Variants in APLF observed in about 807,000 individuals in gnomAD.
APLF encodes aprataxin and PNK-like factor.
Under a neutral mutation model 55.6 loss-of-function variants are expected in APLF, and 61 were observed. That is an observed-to-expected ratio of 1.10 (90% confidence interval 0.89 to 1.36). The LOEUF (loss-of-function observed/expected upper bound fraction) is 1.36, where lower values mean the gene tolerates loss of function less well. Among genes scored for constraint, APLF ranks in the 40% most tolerant of loss-of-function variants. APLF has a pLI of 0.00. For synonymous variants in APLF, 207 were observed against 214.8 expected (o/e 0.96, Z 0.32); for missense variants, 611 against 602.5 (o/e 1.01, Z -0.15).
chr2:68,488,169 T>G (rs1367014436), intron 1 of APLF, among the ~76,000 whole-genome samples: 1 of 152,110 alleles, frequency 6.6e-6, no homozygotes, highest in Non-Finnish European at 1.5e-5. Context: ...CTTATTACTC[T>G]GTTGGTTAGA....
Position 68,467,780 on chromosome 2 carries a change from GC to G in APLF, c.52del (p.Leu18TrpfsTer7), listed in dbSNP as rs768568802. 15 of 1,234,260 alleles carry G rather than the reference GC, an allele frequency of 1.2e-5. No homozygotes were observed. The Middle Eastern group carries it at 6.8e-4, about 56-fold the overall frequency. The allele number at this position is 1,234,260 out of a possible 1,614,324, so 76.5% of individuals were successfully genotyped here. Reference protein sequence around the residue: ...LQPRDGGPRVALAPGETVIGR... With the variant: ...LQPRDGGPRVXLAPGETVIGR... Reference sequence around the variant, plus strand: ...GCCGCGGGACGGCGGTCCCCGGGTGGCCCTGGCGCCCGGGGAGACGGTGATC... The same window carrying G: ...GCCGCGGGACGGCGGTCCCCGGGTGGCCTGGCGCCCGGGGAGACGGTGATC... On this transcript the variant is annotated frameshift_variant, in exon 1 of 10. Transcript: ENST00000303795. LOFTEE classifies it high-confidence loss of function.
chr2:68,488,905 T>A (rs1676270456), intron 1 of APLF, among the ~76,000 whole-genome samples: 1 of 152,062 alleles, frequency 6.6e-6, no homozygotes, highest in East Asian at 1.9e-4. Context: ...CACACCAGCA[T>A]GGCACATGTA....
chr2:68,569,205 C>T (rs546474148), intron 9 of APLF, among the ~76,000 whole-genome samples: 1 of 152,108 alleles, frequency 6.6e-6, no homozygotes, highest in East Asian at 1.9e-4. Context: ...AGAGCCGGCT[C>T]GTAATTGTGG....
intron 8 of APLF, among the ~76,000 whole-genome samples, chr2:68,560,245 A>G (rs1466572330): frequency 2.0e-5 from 3 of 152,142 alleles, no homozygotes; most frequent in Non-Finnish European, 2.9e-5. Flanking sequence ...ACCCCATGAA[A>G]GCAGAAACTC....
chr2:68,496,084 G>A (rs1479674584), intron 2 of APLF, among the ~76,000 whole-genome samples: 1 of 152,044 alleles, frequency 6.6e-6, no homozygotes, highest in East Asian at 1.9e-4. Flanking sequence ...TTGGATATTA[G>A]AACTTGTTTT....
intron 8 of APLF, among the ~76,000 whole-genome samples, chr2:68,552,036 A>G (rs2104030983): frequency 6.6e-6 from 1 of 152,190 alleles, no homozygotes; most frequent in African/African-American, 2.4e-5. Context: ...CTTTTATGTG[A>G]GAGGCAAGTC....
intron 1 of APLF, among the ~76,000 whole-genome samples, chr2:68,486,065 G>A (rs567923747): frequency 6.6e-6 from 1 of 152,052 alleles, no homozygotes; most frequent in East Asian, 1.9e-4. Context: ...TCACTATTTT[G>A]ATGCTCGAAT....
chr2:68,529,151 G>A lies in APLF; in HGVS notation c.804+2909G>A. 7.6e-7 allele frequency: 1 copy of A among 1,307,786 alleles called. No individual in the cohort carries two copies. The allele number at this position is 1,307,786 out of a possible 1,614,324, so 81.0% of individuals were successfully genotyped here. ...CCTGGAGTTGCGAGCAGACAGCACG[G>A]GTTTCTTCCTTGAGGGGGGGCTCCA... On this transcript the variant is annotated intron_variant, in intron 6 of 9. Coordinates refer to ENST00000303795, the MANE Select transcript of APLF (RefSeq NM_173545.3). This position sits in a 1 kb window ranked among gnomAD's most constrained non-coding sequence, Gnocchi z 4.4.
At chr2:68,519,031 G>GATTAATATATAATAATATAATATATA (rs1241175273) in intron 5 of APLF, among the ~76,000 whole-genome samples, 12 of 105,802 alleles carry the variant, frequency 1.1e-4, no homozygotes, top group African/African-American at 4.6e-4. Flanking sequence ...TATAATATAT[G>GATTAATATATAATAATATAATATATA]ATTAATATAT....
At chr2:68,481,146 G>T (rs1301393742) in intron 1 of APLF, among the ~76,000 whole-genome samples, 1 of 152,146 alleles carries the variant, frequency 6.6e-6, no homozygotes. Context: ...ACTTGTAATA[G>T]TTCCTTTCCC....
chr2:68,513,739 G>A (rs1669486202), intron 5 of APLF, 59 bp downstream of exon 5: 21 of 1,575,588 alleles, frequency 1.3e-5, no homozygotes, highest in East Asian at 2.2e-5. Context: ...GAATTTGAAA[G>A]CTTTTCTGAA....
intron 7 of APLF, among the ~76,000 whole-genome samples, chr2:68,542,639 CGAAAT>C (rs1199686839): frequency 2.6e-5 from 4 of 151,928 alleles, no homozygotes; most frequent in Admixed American, 6.6e-5. Flanking sequence ...CTTTCAAAAA[CGAAAT>C]GAAAAACAAG....
intron 5 of APLF, among the ~76,000 whole-genome samples, chr2:68,518,722 C>A: frequency 8.6e-6 from 1 of 115,654 alleles, no homozygotes; most frequent in South Asian, 2.6e-4. Context: ...AATAATATAT[C>A]ATTAATATAT....
At chr2:68,479,413 T>C (rs1675882712) in intron 1 of APLF, among the ~76,000 whole-genome samples, 1 of 152,196 alleles carries the variant, frequency 6.6e-6, no homozygotes. Flanking sequence ...ATTGTGGATA[T>C]GGCCAAAAAG....
intron 7 of APLF, among the ~76,000 whole-genome samples, chr2:68,544,000 G>C (rs1016389795): frequency 1.5e-5 from 1 of 67,210 alleles, no homozygotes; most frequent in Non-Finnish European, 3.1e-5. Flanking sequence ...TTTTTTTTTT[G>C]AGATGGAGTC....
Position 68,579,034 on chromosome 2 carries a change from G to A in APLF, c.*1012G>A, listed in dbSNP as rs1259411220. On this transcript the variant is annotated 3_prime_UTR_variant, in exon 10 of 10. Transcript: ENST00000303795. Reference sequence around the variant, plus strand: ...TAGTTTAGAATCTTTAATAACAGTTGGGTTGTGTACACAGAGCAGGAGATA... The same window carrying A: ...TAGTTTAGAATCTTTAATAACAGTTAGGTTGTGTACACAGAGCAGGAGATA... The A allele has an allele frequency of 1.0e-6, 1 of 984,748 alleles. No homozygotes were observed. Among genetic ancestry groups the A allele is most frequent in the African/African-American group, 1.7e-5 (1 of 57,166 alleles). 61.0% of individuals were successfully genotyped at this position (984,748 alleles called of 1,614,324 possible). A position where few individuals can be genotyped will look rare whatever the true frequency, so the allele number is the denominator to read the frequency against.
intron 9 of APLF, among the ~76,000 whole-genome samples, chr2:68,570,141 G>A (rs1671414116): frequency 6.6e-6 from 1 of 151,802 alleles, no homozygotes; most frequent in Non-Finnish European, 1.5e-5. Flanking sequence ...TTGGACTCCT[G>A]TCATTTGTTA....
chr2:68,472,516 A>G (rs936137321), intron 1 of APLF, among the ~76,000 whole-genome samples: 15 of 152,194 alleles, frequency 9.9e-5, no homozygotes, highest in Non-Finnish European at 2.2e-4. Context: ...CAAGATAAAA[A>G]AAAATAATAA....
At chr2:68,513,414 T>C in intron 4 of APLF, 134 bp from the exon 5 acceptor site, 2 of 1,255,738 alleles carry the variant, frequency 1.6e-6, no homozygotes, top group Admixed American at 4.6e-5. Context: ...ATAATTTCTT[T>C]GTTCAAGAAA....
Sources: allele counts gnomAD v4.1 joint callset (sites outside exome capture counted in the v4.1 genomes callset), GRCh38; gene constraint gnomAD v4.1.1; non-coding constraint Gnocchi (gnomAD v3.1); transcripts MANE v1.5; gene names NCBI Gene and HGNC (gene_info 2026-07-23, HGNC 2026-07-21).